ZNF737: variants seen among roughly 807,000 people sequenced by gnomAD.
ZNF737 encodes zinc finger protein 102 (Y3).
ZNF737 carries 13 observed loss-of-function variants against 11.7 expected under a neutral mutation model. The ratio of observed to expected loss-of-function variants is 1.11; its 90% CI spans 0.73 to 1.77. The LOEUF is 1.77. ZNF737 is among the 40% of genes most tolerant of loss of function. The pLI is 0.00. For synonymous variants in ZNF737, 217 were observed against 216.2 expected, an observed-to-expected ratio of 1.00 and a Z score of -0.03; for missense variants, 636 against 638.0, an observed-to-expected ratio of 1.00 and a Z score of 0.03.
chr19:20,530,640 G>A, the ZNF737 span, among the ~76,000 whole-genome samples: 4 of 147,204 alleles, frequency 2.7e-5, no homozygotes, highest in Admixed American at 2.7e-4. Context: ...GGGCGGCGGG[G>A]CAGAGGCGCT....
chr19:20,545,486 G>A lies in ZNF737; in HGVS notation c.717C>T (p.Ser239=). The A allele has an allele frequency of 6.2e-7, 1 of 1,612,886 alleles. No homozygotes were observed. The part of the protein sequence containing the change: ...YKCEDCGKAF[S]RFSYLTAHKI... ...TATGTGCAGTAAGGTATGAAAACCG[G>A]CTAAAGGCTTTGCCACAGTCTTCAC... Residue 239 remains serine, a synonymous_variant, in exon 4 of 4, where the codon AGC becomes AGT. Transcript: ENST00000427401.
At position 20,543,034 on chromosome 19, in the gene ZNF737, T is replaced by A; in HGVS notation, c.*1558A>T. On this transcript the variant is annotated 3_prime_UTR_variant, in exon 4 of 4. Transcript: ENST00000427401. The stretch of plus-strand genomic sequence containing the variant: ...GTGGATTAGTTTTTATATTCAATGC[T>A]CTGATTTAGTGTAATGTCTGAAGTG... 1 of 985,234 alleles carries A rather than the reference T, an allele frequency of 1.0e-6. No individual in the cohort carries two copies. Among genetic ancestry groups the A allele is most frequent in the Non-Finnish European group, 1.2e-6 (1 of 829,760 alleles). The allele number at this position is 985,234 out of a possible 1,614,324, so 61.0% of individuals were successfully genotyped here. A position where few individuals can be genotyped will look rare whatever the true frequency, so the allele number is the denominator to read the frequency against.
chr19:20,535,528 GTT>G (rs112343450), downstream of ZNF737, among the ~76,000 whole-genome samples: 285 of 139,980 alleles, frequency 2.0e-3, no homozygotes, highest in African/African-American at 6.4e-3. Context: ...CAAAATCCTC[GTT>G]TTTTTTTTTT....
chr19:20,532,015 A>T (rs782611833), downstream of ZNF737, among the ~76,000 whole-genome samples: 1 of 150,270 alleles, frequency 6.7e-6, no homozygotes, highest in African/African-American at 2.5e-5. Context: ...TAGTTATACA[A>T]TTTTGTTTAT....
At position 20,538,036 on chromosome 19, in the gene ZNF737, C is replaced by T; in HGVS notation, c.*6556G>A. The T allele has an allele frequency of 6.1e-6, 6 of 982,158 alleles. No homozygotes were observed. The highest frequency in any genetic ancestry group is 7.3e-6 in the Non-Finnish European group (6 of 827,078). 60.8% of individuals were successfully genotyped at this position (982,158 alleles called of 1,614,324 possible). On this transcript the variant is annotated 3_prime_UTR_variant, in exon 4 of 4. Transcript: ENST00000427401. ...TTATCATATGGAAGAAGTGTATTAA[C>T]CATGTTTTCAGTAATCACTCTGAAC...
chr19:20,559,016 G>C (rs1318143771), intron 1 of ZNF737, among the ~76,000 whole-genome samples: 2 of 152,130 alleles, frequency 1.3e-5, no homozygotes, highest in East Asian at 3.9e-4. Context: ...CTTCATTACA[G>C]CATATACAAA....
chr19:20,531,009 C>A (rs142122455), downstream of ZNF737, among the ~76,000 whole-genome samples: 1 of 147,964 alleles, frequency 6.8e-6, no homozygotes, highest in Admixed American at 6.7e-5. Flanking sequence ...GCGGATCACT[C>A]GCGGTTAGGA....
At position 20,544,582 on chromosome 19, in the gene ZNF737, T is replaced by G; in HGVS notation, c.*10A>C. Reference sequence around the variant, plus strand: ...TGGGATAGCTTAAAGCTTTGCCACATTCCTCACATTTATAGTTTCTCTCCA... The same window carrying G: ...TGGGATAGCTTAAAGCTTTGCCACAGTCCTCACATTTATAGTTTCTCTCCA... On this transcript the variant is annotated 3_prime_UTR_variant, in exon 4 of 4. Transcript: ENST00000427401. 6.3e-7 allele frequency: 1 copy of G among 1,587,290 alleles called. No homozygotes were observed. Among genetic ancestry groups the G allele is most frequent in the Admixed American group, 1.8e-5 (1 of 54,830 alleles).
chr19:20,557,371 T>A (rs1968925812), intron 1 of ZNF737, among the ~76,000 whole-genome samples: 1 of 151,004 alleles, frequency 6.6e-6, no homozygotes, highest in Admixed American at 6.6e-5. Context: ...AAATAAGGCC[T>A]CCAAAAAGGG....
Position 20,545,784 on chromosome 19 carries a change from G to C in ZNF737, c.419C>G (p.Thr140Ser). The change falls in exon 4 of 4, where the codon ACT (threonine) becomes AGT (serine). Residue 140 changes from threonine to serine, a missense_variant. Transcript: ENST00000427401. ...YNGLNQYLTT[T>S]QSKIFQCDKY... ...ATCACACTGAAATATTTTGCTTTGAGTAGTTGTCAAATATTGGTTAAGTCC... is the reference window on the plus strand; with the variant it reads ...ATCACACTGAAATATTTTGCTTTGACTAGTTGTCAAATATTGGTTAAGTCC... The C allele has an allele frequency of 6.2e-7, 1 of 1,613,006 alleles. No homozygotes were observed. Among genetic ancestry groups the C allele is most frequent in the Non-Finnish European group, 8.5e-7 (1 of 1,179,626 alleles).
rs782466730 is a variant in ZNF737, at chr19:20,552,498, T to G, written c.203A>C (p.His68Pro). 23 of 1,595,236 alleles carry G rather than the reference T, an allele frequency of 1.4e-5. No homozygotes were observed. In the African/African-American group the frequency reaches 2.3e-4, roughly 16 times the overall value. Residue 68 changes from histidine to proline, a missense_variant, in exon 3 of 4, where the codon CAT becomes CCT. By Grantham distance (77) the His-to-Pro change is moderately conservative. Coordinates refer to ENST00000427401, the MANE Select transcript of ZNF737 (RefSeq NM_001159293.2). ...ACCTGAGGGGTTGGCTACCATCTCATGTTTCTTCATGGTCAAAGGTTTTTT... is the reference window on the plus strand; with the variant it reads ...ACCTGAGGGGTTGGCTACCATCTCAGGTTTCTTCATGGTCAAAGGTTTTTT... The part of the protein sequence containing the change: ...QGKKPLTMKK[H>P]EMVANPSVTC...
Position 20,544,315 on chromosome 19 carries a change from TA to T in ZNF737, c.*276del. On this transcript the variant is annotated 3_prime_UTR_variant, in exon 4 of 4. Coordinates refer to ENST00000427401, the MANE Select transcript of ZNF737 (RefSeq NM_001159293.2). Reference sequence around the variant, plus strand: ...TATTTAGTAAAAGTTGATAGCTGGTTAAAGGCTTTCCGACATTCATCAAACT... The same window carrying T: ...TATTTAGTAAAAGTTGATAGCTGGTTAAGGCTTTCCGACATTCATCAAACT... The T allele has an allele frequency of 7.8e-7, 1 of 1,278,232 alleles. No individual in the cohort carries two copies. The highest frequency in any genetic ancestry group is 9.9e-7 in the Non-Finnish European group (1 of 1,012,710). 79.2% of individuals were successfully genotyped at this position (1,278,232 alleles called of 1,614,324 possible).
downstream of ZNF737, among the ~76,000 whole-genome samples, chr19:20,532,731 G>GAA (rs1299304448): frequency 6.7e-6 from 1 of 150,006 alleles, no homozygotes; most frequent in Admixed American, 6.7e-5. Flanking sequence ...AGAAATGCTT[G>GAA]ACATCAGTGG....
chr19:20,544,671 C>T lies in ZNF737; in HGVS notation c.1532G>A (p.Cys511Tyr), dbSNP rs536178485. The change falls in exon 4 of 4, where the codon TGT becomes TAT. Residue 511 changes from cysteine to tyrosine, a missense_variant. Physicochemically the swap from Cys to Tyr is radical, Grantham distance 194. Transcript: ENST00000427401. ...RIHTGEKPYK[C>Y]EECGKGFKCP... ...CTTAAAGCCTTTGCCACATTCTTCA[C>T]ATTTGTAGGGTTTCTCTCCAGTATG... is the stretch of plus-strand genomic sequence containing the variant. 2.7e-4 allele frequency: 441 copies of T among 1,605,572 alleles called. 6 individuals are homozygous for T. In the South Asian group the frequency reaches 4.6e-3, roughly 17 times the overall value.
At chr19:20,553,027 A>C (rs1186236476) in intron 2 of ZNF737, among the ~76,000 whole-genome samples, 1 of 143,244 alleles carries the variant, frequency 7.0e-6, no homozygotes, top group Non-Finnish European at 1.6e-5. Context: ...AAAAAAAAAA[A>C]AAAAAAGAAA....
chr19:20,563,338 C>T (rs1470863571), intron 1 of ZNF737, among the ~76,000 whole-genome samples: 3 of 150,672 alleles, frequency 2.0e-5, no homozygotes, highest in African/African-American at 7.3e-5. Context: ...CATCCTGTTG[C>T]AGGCTTAATA....
intron 3 of ZNF737, among the ~76,000 whole-genome samples, chr19:20,546,979 T>G (rs1482382825): frequency 6.6e-6 from 1 of 152,190 alleles, no homozygotes; most frequent in Admixed American, 6.6e-5. Flanking sequence ...AAAGTCAAAC[T>G]GGCAAATTCT....
rs1968334695 is a variant in ZNF737 at position 20,544,222 on chromosome 19, T to C, written c.*370A>G. 2.9e-6 allele frequency: 3 copies of C among 1,048,276 alleles called. No homozygotes were observed. In the South Asian group the frequency reaches 1.0e-4, roughly 37 times the overall value. 64.9% of individuals were successfully genotyped at this position (1,048,276 alleles called of 1,614,324 possible). A position where few individuals can be genotyped will look rare whatever the true frequency, so the allele number is the denominator to read the frequency against. Reference sequence around the variant, plus strand: ...AGCATGAATTATGTGTAAGAAGGGTTCAGAACTTCCTAAAAGCGTTGTCAC... The same window carrying C: ...AGCATGAATTATGTGTAAGAAGGGTCCAGAACTTCCTAAAAGCGTTGTCAC... On this transcript the variant is annotated 3_prime_UTR_variant, in exon 4 of 4. Transcript: ENST00000427401.
Position 20,543,948 on chromosome 19 carries a change from C to A in ZNF737, c.*644G>T, listed in dbSNP as rs1163229707. ...TTCGAGACCAGCCTGGCAAACATGG[C>A]GAAGTCGCATCTCTACTAAAAATAA... On this transcript the variant is annotated 3_prime_UTR_variant, in exon 4 of 4. Coordinates refer to ENST00000427401, the MANE Select transcript of ZNF737 (RefSeq NM_001159293.2). The A allele has an allele frequency of 2.9e-6, 2 of 700,532 alleles. No individual in the cohort carries two copies. Among genetic ancestry groups the A allele is most frequent in the African/African-American group, 2.0e-5 (1 of 51,126 alleles). 43.4% of individuals were successfully genotyped at this position (700,532 alleles called of 1,614,324 possible). A position where few individuals can be genotyped will look rare whatever the true frequency, so the allele number is the denominator to read the frequency against.
Sources: gnomAD v4.1 joint callset for allele counts (sites outside exome capture counted in the v4.1 genomes callset) on GRCh38, gnomAD v4.1.1 for gene constraint, MANE v1.5 for transcripts, NCBI Gene and HGNC (gene_info 2026-07-23, HGNC 2026-07-21) for gene names.